MINAR1: variants seen among roughly 807,000 people sequenced by gnomAD.
The protein encoded by MINAR1 is membrane integral NOTCH2 associated receptor 1, also known as major intrinsically disordered Notch2-binding receptor 1.
Under a neutral mutation model 65.1 loss-of-function variants are expected in MINAR1, and 40 were observed. That is an observed-to-expected ratio of 0.61 (90% CI 0.48 to 0.80). The LOEUF is 0.80. Among genes scored for constraint, MINAR1 ranks in the 30% least tolerant of loss-of-function variants. MINAR1 has a pLI of 0.00. For missense variants in MINAR1, 1,128 were observed against 1,148.0 expected, an observed-to-expected ratio of 0.98 and a Z score of 0.25; for synonymous variants, 482 against 449.1, an observed-to-expected ratio of 1.07 and a Z score of -0.93.
rs538000211 is a variant in MINAR1, at chr15:79,444,139, C to T, written c.-51+11599C>T. Among the ~76,000 whole-genome samples, 9 of 152,232 alleles carry T rather than the reference C, an allele frequency of 5.9e-5. No homozygotes were observed. The East Asian group carries it at 9.6e-4, about 16-fold the overall frequency. On this transcript the variant is annotated intron_variant, in intron 1 of 3. Transcript: ENST00000305428. ...AGGCTGTGTGGCCTTTGACAAGTTA[C>T]GGACCTGCTCTGTGCTGGAGAAAAT...
chr15:79,467,681 T>C lies in MINAR1; in HGVS notation c.2554-506T>C, dbSNP rs116228606. 2.6e-3 allele frequency among the ~76,000 whole-genome samples: 399 copies of C among 152,340 alleles called. 2 individuals are homozygous for C. Among genetic ancestry groups the C allele is most frequent in the African/African-American group, 9.2e-3 (384 of 41,568 alleles). On this transcript the variant is annotated intron_variant, in intron 3 of 3. Coordinates refer to ENST00000305428, the MANE Select transcript of MINAR1 (RefSeq NM_015206.3). ...GGCTGAATTTGAAATAGTCTATGTT[T>C]TGTTTAAACTGCTCATCTTGGAGGT...
intron 3 of MINAR1, among the ~76,000 whole-genome samples, chr15:79,464,850 G>GA (rs144345752): frequency 0.035 from 5,356 of 152,104 alleles, 115 homozygotes; most frequent in Middle Eastern, 0.088. Flanking sequence ...TGCGGGCAAG[G>GA]AGGCTAGACA....
chr15:79,440,074 A>G (rs1238053982), intron 1 of MINAR1, among the ~76,000 whole-genome samples: 5 of 152,116 alleles, frequency 3.3e-5, no homozygotes, highest in Non-Finnish European at 7.4e-5. Flanking sequence ...CATTAGCCCC[A>G]AGGTGTGTCT....
At chr15:79,423,523 C>T in the MINAR1 span, 1 of 152,224 alleles carries the variant, frequency 6.6e-6, no homozygotes, top group Non-Finnish European at 1.5e-5. Context: ...TATGGCTCCT[C>T]TATGGCCCAC....
intron 1 of MINAR1, among the ~76,000 whole-genome samples, chr15:79,444,037 A>G (rs1446016883): frequency 6.6e-6 from 1 of 152,152 alleles, no homozygotes; most frequent in Admixed American, 6.5e-5. Flanking sequence ...AATTTTGTGA[A>G]GTGCTGTATA....
chr15:79,442,158 G>T (rs960772264), intron 1 of MINAR1, among the ~76,000 whole-genome samples: 1 of 149,724 alleles, frequency 6.7e-6, no homozygotes, highest in Non-Finnish European at 1.5e-5. Context: ...GGGATCTTGT[G>T]TGGAAAACCC....
Position 79,468,750 on chromosome 15 carries a change from T to C in MINAR1, c.*366T>C, listed in dbSNP as rs1006415500. 8.0e-6 allele frequency: 2 copies of C among 249,414 alleles called. No homozygotes were observed. 15.5% of individuals were successfully genotyped at this position (249,414 alleles called of 1,614,324 possible). A position where few individuals can be genotyped will look rare whatever the true frequency, so the allele number is the denominator to read the frequency against. ...TGGGGAATAAGTTATACAGAAGATA[T>C]TTAATACACGCCTCTTTAGAAGAAA... On this transcript the variant is annotated 3_prime_UTR_variant, in exon 4 of 4. Coordinates refer to ENST00000305428, the MANE Select transcript of MINAR1 (RefSeq NM_015206.3).
At position 79,458,492 on chromosome 15, in the gene MINAR1, G is replaced by A. The variant is rs1354381835; in HGVS notation, c.2298+47G>A. 7 of 1,574,130 alleles carry A rather than the reference G, an allele frequency of 4.4e-6. No individual in the cohort carries two copies. The East Asian group carries it at 1.3e-4, about 30-fold the overall frequency. On this transcript the variant is annotated intron_variant, in intron 2 of 3. Coordinates refer to ENST00000305428, the MANE Select transcript of MINAR1 (RefSeq NM_015206.3). ...ATAATCGGGCACCAGCTTCATCATA[G>A]CCCTGGTGTATTTCAAAGCCTTGAA...
the MINAR1 span, chr15:79,413,834 G>C: frequency 1.3e-5 from 2 of 152,222 alleles, no homozygotes; most frequent in Non-Finnish European, 2.9e-5. Context: ...TTTGGTTATA[G>C]AACTGGATAC....
At chr15:79,436,234 T>G (rs958036011) in intron 1 of MINAR1, among the ~76,000 whole-genome samples, 1 of 152,194 alleles carries the variant, frequency 6.6e-6, no homozygotes, top group Admixed American at 6.5e-5. Context: ...TGATGCAACA[T>G]GTAAAGAACT....
chr15:79,435,943 C>T (rs1894588339), intron 1 of MINAR1, among the ~76,000 whole-genome samples: 2 of 152,184 alleles, frequency 1.3e-5, no homozygotes, highest in South Asian at 4.1e-4. Flanking sequence ...TTGCATTTTC[C>T]TGTTAATTTG....
rs575272743 is a variant in MINAR1, at chr15:79,468,588, C to G, written c.*204C>G. 412 of 569,098 alleles carry G rather than the reference C, an allele frequency of 7.2e-4. No individual in the cohort carries two copies. The highest frequency in any genetic ancestry group is 6.9e-3 in the African/African-American group (369 of 53,550). The allele number at this position is 569,098 out of a possible 1,614,324, so 35.3% of individuals were successfully genotyped here. A position where few individuals can be genotyped will look rare whatever the true frequency, so the allele number is the denominator to read the frequency against. On this transcript the variant is annotated 3_prime_UTR_variant, in exon 4 of 4. Coordinates refer to ENST00000305428, the MANE Select transcript of MINAR1 (RefSeq NM_015206.3). Reference sequence around the variant, plus strand: ...ACCTATTAGCTTTGACTCAATTACACTCTGACGCATTTTTAGAAGTGCAAT... The same window carrying G: ...ACCTATTAGCTTTGACTCAATTACAGTCTGACGCATTTTTAGAAGTGCAAT...
upstream of MINAR1, among the ~76,000 whole-genome samples, chr15:79,429,498 G>T (rs181136426): frequency 3.3e-5 from 5 of 152,286 alleles, no homozygotes; most frequent in Admixed American, 2.0e-4. Context: ...GTGAAATTTC[G>T]GATCTGAGTG....
upstream of MINAR1, among the ~76,000 whole-genome samples, chr15:79,431,954 C>T (rs957186594): frequency 6.6e-6 from 1 of 152,212 alleles, no homozygotes; most frequent in African/African-American, 2.4e-5. Flanking sequence ...CCGCGCCCCT[C>T]CCCGGGACCG....
intron 1 of MINAR1, among the ~76,000 whole-genome samples, chr15:79,442,787 A>G (rs1376336972): frequency 1.3e-5 from 2 of 152,180 alleles, no homozygotes; most frequent in Non-Finnish European, 2.9e-5. Context: ...ATTTAAAATT[A>G]GTACTTATTT....
chr15:79,462,773 C>A (rs1297156104), intron 2 of MINAR1, among the ~76,000 whole-genome samples: 1 of 152,156 alleles, frequency 6.6e-6, no homozygotes, highest in Non-Finnish European at 1.5e-5. Flanking sequence ...AGTCTGGGCT[C>A]CATTTTCCTA....
chr15:79,462,175 G>A (rs746004218), intron 2 of MINAR1, among the ~76,000 whole-genome samples: 1 of 152,046 alleles, frequency 6.6e-6, no homozygotes, highest in Non-Finnish European at 1.5e-5. Flanking sequence ...CTGGAGAAGG[G>A]GATTAAAAGG....
Position 79,463,158 on chromosome 15 carries a change from C to T in MINAR1, c.2390C>T (p.Pro797Leu). The T allele has an allele frequency of 1.2e-6, 2 of 1,614,244 alleles. No homozygotes were observed. The highest frequency in any genetic ancestry group is 2.2e-5 in the South Asian group (2 of 91,086). Residue 797 changes from proline (P) to leucine (L), a missense_variant, in exon 3 of 4, where the codon CCC becomes CTC. Physicochemically the swap from Pro to Leu is moderately conservative, Grantham distance 98 (BLOSUM62 -3). Transcript: ENST00000305428. Reference protein sequence around the residue: ...FLVEQVFSPHPYPASLKAHMK... With the variant: ...FLVEQVFSPHLYPASLKAHMK... ...GTGGAGCAGGTGTTCAGCCCTCACC[C>T]CTACCCTGCCTCCCTCAAGGCCCAC...
chr15:79,457,329 C>A lies in MINAR1; in HGVS notation c.1182C>A (p.His394Gln). The A allele has an allele frequency of 6.2e-7, 1 of 1,614,220 alleles. No homozygotes were observed. Among genetic ancestry groups the A allele is most frequent in the East Asian group, 2.2e-5 (1 of 44,882 alleles). ...GAAATCCCTCCGAGGAGAAGCTACACTATCCAAATGCCAGTAGCCAGACCC... is the reference window on the plus strand; with the variant it reads ...GAAATCCCTCCGAGGAGAAGCTACAATATCCAAATGCCAGTAGCCAGACCC... ...FNRNPSEEKL[H>Q]YPNASSQTPN... is the part of the protein sequence containing the mutation. Residue 394 changes from histidine (H) to glutamine (Q), a missense_variant, in exon 2 of 4, where the codon CAC (histidine) becomes CAA (glutamine). Physicochemically the swap from His to Gln is conservative, Grantham distance 24. Coordinates refer to ENST00000305428, the MANE Select transcript of MINAR1 (RefSeq NM_015206.3).
Sources: allele counts gnomAD v4.1 joint callset (sites outside exome capture counted in the v4.1 genomes callset), GRCh38; gene constraint gnomAD v4.1.1; transcripts MANE v1.5; gene names NCBI Gene and HGNC (gene_info 2026-07-23, HGNC 2026-07-21).